ZNF485: variants seen among roughly 807,000 people sequenced by gnomAD.
ZNF485 encodes zinc finger protein 485, also known as Zinc finger protein 93 (Zinc finger protein HTF34).
Under a neutral mutation model 10.8 loss-of-function variants are expected in ZNF485, and 9 were observed. The observed-to-expected ratio is 0.83, with a 90% CI of 0.50 to 1.45. ZNF485 has a LOEUF of 1.45. ZNF485 is among the 40% of genes most tolerant of loss of function. ZNF485 has a pLI of 0.00. For synonymous variants in ZNF485, 187 were observed against 181.0 expected (o/e 1.03, Z -0.27); for missense variants, 487 against 528.0 (o/e 0.92, Z 0.76).
intron 4 of ZNF485, among the ~76,000 whole-genome samples, chr10:43,614,467 T>C (rs118059186): frequency 0.047 from 7,214 of 152,132 alleles, 200 homozygotes; most frequent in Non-Finnish European, 0.055. Flanking sequence ...ACATGTTTTT[T>C]TTCTGTAGAG....
At chr10:43,609,940 C>T (rs1475505503) in intron 4 of ZNF485, among the ~76,000 whole-genome samples, 1 of 152,188 alleles carries the variant, frequency 6.6e-6, no homozygotes, top group African/African-American at 2.4e-5. Context: ...TCCACCTTGG[C>T]CTCTCAAAGT....
Position 43,616,698 on chromosome 10 carries a change from T to C in ZNF485, c.655T>C (p.Cys219Arg). ...SREKPHKCIE[C>R]GKTFRKNSIL... is the part of the protein sequence containing the mutation. Reference sequence around the variant, plus strand: ...GGAGAAACCCCACAAATGCATTGAATGTGGAAAAACTTTCAGAAAGAACTC... The same window carrying C: ...GGAGAAACCCCACAAATGCATTGAACGTGGAAAAACTTTCAGAAAGAACTC... Residue 219 changes from cysteine (C) to arginine (R), a missense_variant, in exon 5 of 5, where the codon TGT becomes CGT. Coordinates refer to ENST00000361807, the MANE Select transcript of ZNF485 (RefSeq NM_145312.4). 6.2e-7 allele frequency: 1 copy of C among 1,614,152 alleles called. No homozygotes were observed. The highest frequency in any genetic ancestry group is 1.1e-5 in the South Asian group (1 of 91,084).
rs187193865 is a variant in ZNF485, at chr10:43,616,437, T to G, written c.394T>G (p.Cys132Gly). ...AAGCTCCACAGAGAAGAACTATAAG[T>G]GCAAGGAATGTGGGAAAGTCTTCAA... ...GRSSTEKNYK[C>G]KECGKVFKYN... Residue 132 changes from cysteine to glycine, a missense_variant, in exon 5 of 5, where the codon TGC (cysteine) becomes GGC (glycine). Cys to Gly is a radical substitution (Grantham distance 159). Coordinates refer to ENST00000361807, the MANE Select transcript of ZNF485 (RefSeq NM_145312.4). 1,527 of 1,613,930 alleles carry G rather than the reference T, an allele frequency of 9.5e-4. 1 individual carries two copies. Among genetic ancestry groups the G allele is most frequent in the Non-Finnish European group, 1.2e-3 (1,403 of 1,179,966 alleles).
chr10:43,615,867 G>A (rs1838848058), intron 4 of ZNF485, among the ~76,000 whole-genome samples: 1 of 152,122 alleles, frequency 6.6e-6, no homozygotes, highest in South Asian at 2.1e-4. Context: ...TTTTTCTCAA[G>A]TTCTTGGTGA....
chr10:43,611,355 A>G (rs576613460), intron 4 of ZNF485, among the ~76,000 whole-genome samples: 5 of 152,238 alleles, frequency 3.3e-5, no homozygotes, highest in South Asian at 2.1e-4. Flanking sequence ...GGCGTGCATC[A>G]CCATGCCAGC....
At chr10:43,611,308 TC>T (rs1838763375) in intron 4 of ZNF485, among the ~76,000 whole-genome samples, 1 of 152,194 alleles carries the variant, frequency 6.6e-6, no homozygotes, top group Non-Finnish European at 1.5e-5. Context: ...CCTCAAGCAA[TC>T]CTCTTGCCTC....
chr10:43,611,617 C>T (rs1036580291), intron 4 of ZNF485, among the ~76,000 whole-genome samples: 1 of 152,158 alleles, frequency 6.6e-6, no homozygotes, highest in Non-Finnish European at 1.5e-5. Flanking sequence ...CATGTTTATA[C>T]TCCTAATGAC....
chr10:43,616,867 G>A lies in ZNF485; in HGVS notation c.824G>A (p.Cys275Tyr). Residue 275 changes from cysteine to tyrosine, a missense_variant, in exon 5 of 5, where the codon TGT becomes TAT. By Grantham distance (194) the Cys-to-Tyr change is radical. Coordinates refer to ENST00000361807, the MANE Select transcript of ZNF485 (RefSeq NM_145312.4). ...GAGAAGCCTTTTAAATGTAACAAGT[G>A]TGGGAGAGCTTTCAGGGATAATTCA... ...SGEKPFKCNK[C>Y]GRAFRDNSTV... 1 of 1,614,110 alleles carries A rather than the reference G, an allele frequency of 6.2e-7. No homozygotes were observed. Among genetic ancestry groups the A allele is most frequent in the Non-Finnish European group, 8.5e-7 (1 of 1,180,036 alleles).
Position 43,616,802 on chromosome 10 carries a change from G to T in ZNF485, c.759G>T (p.Gln253His), listed in dbSNP as rs575365214. 1.2e-6 allele frequency: 2 copies of T among 1,614,050 alleles called. No homozygotes were observed. The highest frequency in any genetic ancestry group is 2.2e-5 in the South Asian group (2 of 91,076). ...ATGACTGTGGGAAAGCCTTCGCTCA[G>T]AATGCAGCTCTTACTCGTCATGAAA... ...KCNDCGKAFA[Q>H]NAALTRHERI... is the part of the protein sequence containing the mutation. The change falls in exon 5 of 5, where the codon CAG (glutamine) becomes CAT (histidine). Residue 253 changes from glutamine (Q) to histidine (H), a missense_variant. Coordinates refer to ENST00000361807, the MANE Select transcript of ZNF485 (RefSeq NM_145312.4).
chr10:43,617,543 T>C lies in ZNF485; in HGVS notation c.*174T>C, dbSNP rs1265689814. 2 of 559,980 alleles carry C rather than the reference T, an allele frequency of 3.6e-6. No individual in the cohort carries two copies. Among genetic ancestry groups the C allele is most frequent in the African/African-American group, 3.7e-5 (2 of 53,678 alleles). The allele number at this position is 559,980 out of a possible 1,614,324, so 34.7% of individuals were successfully genotyped here. On this transcript the variant is annotated 3_prime_UTR_variant, in exon 5 of 5. Coordinates refer to ENST00000361807, the MANE Select transcript of ZNF485 (RefSeq NM_145312.4). ...TTTGAAGAAACTAAATGTATGTCAG[T>C]ATGGAAGTAGTTATAGCATACTGTG...
Position 43,616,817 on chromosome 10 carries a change from T to G in ZNF485, c.774T>G (p.Thr258=), listed in dbSNP as rs756264568. 3.7e-6 allele frequency: 6 copies of G among 1,614,012 alleles called. No homozygotes were observed. The highest frequency in any genetic ancestry group is 4.2e-6 in the Non-Finnish European group (5 of 1,180,002). Residue 258 remains threonine (T), a synonymous_variant, in exon 5 of 5, where the codon ACT becomes ACG. Coordinates refer to ENST00000361807, the MANE Select transcript of ZNF485 (RefSeq NM_145312.4). ...GKAFAQNAAL[T]RHERIHSGEK... ...CCTTCGCTCAGAATGCAGCTCTTAC[T>G]CGTCATGAAAGAATACATAGTGGAG...
chr10:43,613,807 A>G (rs1838807471), intron 4 of ZNF485, among the ~76,000 whole-genome samples: 2 of 152,138 alleles, frequency 1.3e-5, no homozygotes, highest in Admixed American at 6.5e-5. Flanking sequence ...TCCTTGTTCC[A>G]TGTCCTGGCT....
chr10:43,607,874 C>T (rs1332530522), intron 2 of ZNF485, among the ~76,000 whole-genome samples: 3 of 152,146 alleles, frequency 2.0e-5, no homozygotes, highest in Admixed American at 6.5e-5. Context: ...CTTCAACCAG[C>T]CCTGGGACCT....
At chr10:43,614,693 TTAC>T (rs1838823753) in intron 4 of ZNF485, among the ~76,000 whole-genome samples, 1 of 152,030 alleles carries the variant, frequency 6.6e-6, no homozygotes, top group South Asian at 2.1e-4. Context: ...TAACAATTAT[TTAC>T]TAACATTTAT....
At chr10:43,614,387 A>G (rs1436506372) in intron 4 of ZNF485, among the ~76,000 whole-genome samples, 1 of 152,114 alleles carries the variant, frequency 6.6e-6, no homozygotes, top group East Asian at 1.9e-4. Flanking sequence ...TCTGGGCTCA[A>G]GCAATCCTGT....
intron 4 of ZNF485, among the ~76,000 whole-genome samples, chr10:43,613,180 G>A (rs12263722): frequency 0.087 from 13,178 of 152,188 alleles, 784 homozygotes; most frequent in African/African-American, 0.16. Context: ...TTAAAACTCT[G>A]TACCCATGTA....
At chr10:43,610,678 A>G (rs184119121) in intron 4 of ZNF485, among the ~76,000 whole-genome samples, 8 of 152,206 alleles carry the variant, frequency 5.3e-5, no homozygotes, top group Non-Finnish European at 1.0e-4. Flanking sequence ...TGCTTAGAGG[A>G]CTAGTAAATC....
In ZNF485 at chr10:43,615,487, T is replaced by C. The variant is rs536632847; in HGVS notation, c.248-804T>C. ...CATGATCTCAGCTCACTGCAACTTC[T>C]GCCTCCCGGGTTCAAGCGATTCTCC... is the stretch of plus-strand genomic sequence containing the variant. On this transcript the variant is annotated intron_variant, in intron 4 of 4. Transcript: ENST00000361807. Among the ~76,000 whole-genome samples, 3 of 152,244 alleles carry C rather than the reference T, an allele frequency of 2.0e-5. No homozygotes were observed. The South Asian group carries it at 6.2e-4, about 32-fold the overall frequency.
chr10:43,617,426 A>G lies in ZNF485; in HGVS notation c.*57A>G. On this transcript the variant is annotated 3_prime_UTR_variant, in exon 5 of 5. Transcript: ENST00000361807. ...TCTGACCATCATAGAGGAGACATTAAATAAATTATGCATTTAACAGAAATA... is the reference window on the plus strand; with the variant it reads ...TCTGACCATCATAGAGGAGACATTAGATAAATTATGCATTTAACAGAAATA... The G allele has an allele frequency of 8.0e-7, 1 of 1,246,444 alleles. No individual in the cohort carries two copies. Among genetic ancestry groups the G allele is most frequent in the Non-Finnish European group, 1.1e-6 (1 of 900,070 alleles). The allele number at this position is 1,246,444 out of a possible 1,614,324, so 77.2% of individuals were successfully genotyped here.
Sources: gnomAD v4.1 joint callset for allele counts (sites outside exome capture counted in the v4.1 genomes callset) on GRCh38, gnomAD v4.1.1 for gene constraint, MANE v1.5 for transcripts, NCBI Gene and HGNC (gene_info 2026-07-23, HGNC 2026-07-21) for gene names.